The following PCDHA2 variants were observed in gnomAD, a reference collection of about 807,000 sequenced individuals.
The protein encoded by PCDHA2 is protocadherin alpha 2.
Under a neutral mutation model 66.0 loss-of-function variants are expected in PCDHA2, and 58 were observed. The observed-to-expected ratio is 0.88, with a 90% CI of 0.71 to 1.09. PCDHA2 has a LOEUF of 1.09. Ranked by LOEUF, PCDHA2 falls within the 50% of genes least tolerant of loss-of-function variation. The pLI is 0.00. For synonymous variants in PCDHA2, 634 were observed against 554.0 expected (o/e 1.14, Z -2.03); for missense variants, 1,267 against 1,242.3 (o/e 1.02, Z -0.30).
In PCDHA2 at chr5:140,829,954, G is replaced by A. The variant is rs2150178517; in HGVS notation, c.2388+32602G>A. 14 of 1,613,992 alleles carry A rather than the reference G, an allele frequency of 8.7e-6. No individual in the cohort carries two copies. In the South Asian group the frequency reaches 9.9e-5, roughly 11 times the overall value. ...CCCCGGCAAGCAGCGCTCGCTTCCC[G>A]TTTCGCGTGGGGCTGTACACGGGCG... On this transcript the variant is annotated intron_variant, in intron 1 of 3. Transcript: ENST00000526136.
chr5:140,899,717 C>T (rs2153464993), intron 1 of PCDHA2, among the ~76,000 whole-genome samples: 1 of 152,322 alleles, frequency 6.6e-6, no homozygotes, highest in South Asian at 2.1e-4. Context: ...GGAGGATTCC[C>T]TCTTTTTCTA....
At chr5:140,999,933 A>T (rs1554257043) in intron 3 of PCDHA2, among the ~76,000 whole-genome samples, 1 of 152,124 alleles carries the variant, frequency 6.6e-6, no homozygotes, top group African/African-American at 2.4e-5. Context: ...AGCTCAACTC[A>T]TTCCACCCAA....
Position 140,982,566 on chromosome 5 carries a change from A to G in PCDHA2, c.2536+3A>G, listed in dbSNP as rs372784858. On this transcript the variant is annotated splice_donor_region_variant and intron_variant, in intron 3 of 3. Transcript: ENST00000526136. ...AACAGTATCCAGTGCAACACCAGGT[A>G]AAGAGCTGGGGTCTCTCCATTCTTT... 8 of 1,613,970 alleles carry G rather than the reference A, an allele frequency of 5.0e-6. No individual in the cohort carries two copies. The highest frequency in any genetic ancestry group is 6.8e-6 in the Non-Finnish European group (8 of 1,179,958).
chr5:140,863,595 A>T (rs976338326), intron 1 of PCDHA2: 15 of 357,408 alleles, frequency 4.2e-5, no homozygotes, highest in Admixed American at 3.4e-4. Flanking sequence ...AAAGTATTTC[A>T]TTCCTATTAA....
chr5:140,978,721 A>C (rs2096819896), intron 1 of PCDHA2, among the ~76,000 whole-genome samples: 1 of 152,236 alleles, frequency 6.6e-6, no homozygotes, highest in African/African-American at 2.4e-5. Flanking sequence ...CAAGATTATT[A>C]AATCTGGTCT....
chr5:140,801,254 G>C, intron 1 of PCDHA2: 1 of 1,613,704 alleles, frequency 6.2e-7, no homozygotes, highest in Non-Finnish European at 8.5e-7. Flanking sequence ...TTTCTCTTCT[G>C]CTCCTCGCAG....
chr5:140,857,309 G>C lies in PCDHA2; in HGVS notation c.2388+59957G>C, dbSNP rs1287991839. ...GGACCGCGAGAGGGTGTCGGCCTAT[G>C]AGCTGGTGGTGACCGCGCGGGACGG... On this transcript the variant is annotated intron_variant, in intron 1 of 3. Transcript: ENST00000526136. The C allele has an allele frequency of 3.8e-6, 6 of 1,598,670 alleles. 1 individual carries two copies. In the Admixed American group the frequency reaches 1.0e-4, roughly 27 times the overall value.
chr5:141,005,584 C>T (rs1307831783), intron 3 of PCDHA2, among the ~76,000 whole-genome samples: 2 of 151,062 alleles, frequency 1.3e-5, no homozygotes, highest in Non-Finnish European at 2.9e-5. Context: ...TGCCTGTAGT[C>T]CCAGCTACAC....
chr5:140,875,176 A>G, intron 1 of PCDHA2: 1 of 397,444 alleles, frequency 2.5e-6, no homozygotes, highest in Non-Finnish European at 4.2e-6. Context: ...TCGAAACATT[A>G]GAATTAAGAG....
chr5:140,891,782 T>C (rs574840881), intron 1 of PCDHA2, among the ~76,000 whole-genome samples: 1 of 152,284 alleles, frequency 6.6e-6, no homozygotes, highest in African/African-American at 2.4e-5. Flanking sequence ...AGGAAATGTT[T>C]AGATTATGAG....
chr5:140,834,743 C>A (rs2150225305), intron 1 of PCDHA2: 4 of 1,614,056 alleles, frequency 2.5e-6, no homozygotes, highest in African/African-American at 1.3e-5. Context: ...TCCATGTGGA[C>A]GTGGAGGTGA....
At chr5:140,852,691 T>C (rs1027871378) in intron 1 of PCDHA2, 4 of 974,686 alleles carry the variant, frequency 4.1e-6, no homozygotes, top group East Asian at 1.1e-4. Context: ...TATAGTCTTA[T>C]ACTTTCAAGT....
Position 141,009,916 on chromosome 5 carries a change from G to T in PCDHA2, c.2826G>T (p.Thr942=). The change falls in exon 4 of 4, where the codon ACG becomes ACT. Residue 942 remains threonine, a synonymous_variant. Coordinates refer to ENST00000526136, the MANE Select transcript of PCDHA2 (RefSeq NM_018905.3). ...AGAAAAAAGAGAAAGGGAACAGCAC[G>T]ACTGACAACAGTGACCAGTGAGGTC... ...TQEKKEKGNS[T]TDNSDQ The T allele has an allele frequency of 6.2e-7, 1 of 1,611,502 alleles. No individual in the cohort carries two copies. Among genetic ancestry groups the T allele is most frequent in the South Asian group, 1.1e-5 (1 of 90,550 alleles).
At position 140,966,347 on chromosome 5, in the gene PCDHA2, G is replaced by A. The variant is rs189506336; in HGVS notation, c.2389-12602G>A. 6.3e-5 allele frequency: 25 copies of A among 397,502 alleles called. No homozygotes were observed. The East Asian group carries it at 8.6e-4, about 14-fold the overall frequency. The allele number at this position is 397,502 out of a possible 1,614,324, so 24.6% of individuals were successfully genotyped here. A position where few individuals can be genotyped will look rare whatever the true frequency, so the allele number is the denominator to read the frequency against. On this transcript the variant is annotated intron_variant, in intron 1 of 3. Transcript: ENST00000526136. ...GGGATCCGGCAGGTCCAGGGTGAAG[G>A]AGATGGGGCTGGAGAGGCTGAGCAG... is the stretch of plus-strand genomic sequence containing the variant.
chr5:140,845,542 A>G (rs927156983), intron 1 of PCDHA2, among the ~76,000 whole-genome samples: 3 of 149,498 alleles, frequency 2.0e-5, no homozygotes, highest in African/African-American at 7.3e-5. Flanking sequence ...TATTCTAATT[A>G]TGGTGATGCT....
chr5:140,928,573 A>G (rs1353807568), intron 1 of PCDHA2: 2 of 1,614,110 alleles, frequency 1.2e-6, no homozygotes, highest in African/African-American at 1.3e-5. Context: ...TCCCTTGCCC[A>G]GAAATGGTTC....
rs782361286 is a variant in PCDHA2, at chr5:140,876,924, G to T, written c.2388+79572G>T. The T allele has an allele frequency of 4.3e-6, 7 of 1,613,704 alleles. No individual in the cohort carries two copies. The African/African-American group carries it at 5.3e-5, about 12-fold the overall frequency. The stretch of plus-strand genomic sequence containing the variant: ...CGGTGTCGGCATGGGACGCGGACGC[G>T]CAGAAGAACGCGCTGGTGTCCTACT... On this transcript the variant is annotated intron_variant, in intron 1 of 3. Coordinates refer to ENST00000526136, the MANE Select transcript of PCDHA2 (RefSeq NM_018905.3).
intron 1 of PCDHA2, among the ~76,000 whole-genome samples, chr5:140,820,650 G>T (rs1766799616): frequency 6.6e-6 from 1 of 151,944 alleles, no homozygotes; most frequent in Non-Finnish European, 1.5e-5. Context: ...AGATTAAAAA[G>T]TAATTAAACT....
At chr5:140,830,285 T>C (rs2150184393) in intron 1 of PCDHA2, 7 of 1,613,564 alleles carry the variant, frequency 4.3e-6, no homozygotes, top group East Asian at 2.2e-5. Context: ...CGAGGGCGCG[T>C]GCACGGCGGA....
Sources: allele counts gnomAD v4.1 joint callset (sites outside exome capture counted in the v4.1 genomes callset), GRCh38; gene constraint gnomAD v4.1.1; transcripts MANE v1.5; gene names NCBI Gene and HGNC (gene_info 2026-07-23, HGNC 2026-07-21).